Variants in ROBO2 observed in about 807,000 individuals in gnomAD.
The protein encoded by ROBO2 is roundabout homolog 2.
A neutral mutation model predicts 160.8 loss-of-function variants in ROBO2; 53 were observed. That is an observed-to-expected ratio of 0.33 (90% CI 0.26 to 0.41). The LOEUF (loss-of-function observed/expected upper bound fraction) is 0.41. Ranked by LOEUF, ROBO2 falls within the 10% of genes least tolerant of loss-of-function variation. ROBO2 has a pLI of 1.00. For missense variants in ROBO2, 1,577 were observed against 1,722.4 expected, an observed-to-expected ratio of 0.92 and a Z score of 1.49; for synonymous variants, 664 against 611.7, an observed-to-expected ratio of 1.09 and a Z score of -1.26.
intron 2 of ROBO2, among the ~76,000 whole-genome samples, chr3:76,014,961 A>C (rs1024788866): frequency 4.6e-5 from 7 of 152,176 alleles, no homozygotes; most frequent in Admixed American, 1.3e-4. Flanking sequence ...ACATACATAC[A>C]TAAAAAATAA....
intron 1 of ROBO2, among the ~76,000 whole-genome samples, chr3:75,927,495 C>T (rs1416923206): frequency 6.6e-6 from 1 of 152,118 alleles, no homozygotes; most frequent in African/African-American, 2.4e-5. Flanking sequence ...ACTAAGCCAA[C>T]CAATTTTTGG....
chr3:77,487,281 C>A (rs1293534927), intron 4 of ROBO2, among the ~76,000 whole-genome samples: 3 of 152,062 alleles, frequency 2.0e-5, no homozygotes, highest in Non-Finnish European at 2.9e-5. Context: ...ATGTCCCATG[C>A]CCTGTTTAAG....
At chr3:77,357,982 T>C (rs1323535674) in intron 2 of ROBO2, among the ~76,000 whole-genome samples, 2 of 152,180 alleles carry the variant, frequency 1.3e-5, no homozygotes, top group African/African-American at 4.8e-5. Context: ...AAAGAAACAG[T>C]GTCTTCTCAG....
chr3:75,921,006 A>G (rs186404634), intron 1 of ROBO2, among the ~76,000 whole-genome samples: 24 of 152,182 alleles, frequency 1.6e-4, no homozygotes, highest in Middle Eastern at 3.4e-3. Context: ...TATGTCTTTT[A>G]ATTGGGGCAT....
intron 2 of ROBO2, among the ~76,000 whole-genome samples, chr3:76,643,718 T>C (rs1349802625): frequency 6.6e-6 from 1 of 152,176 alleles, no homozygotes. Flanking sequence ...TGGACATTCT[T>C]TAAGCCTTTC....
At chr3:76,271,813 C>T (rs1384794489) in intron 2 of ROBO2, among the ~76,000 whole-genome samples, 2 of 151,888 alleles carry the variant, frequency 1.3e-5, no homozygotes, top group African/African-American at 4.8e-5. Context: ...TGAACTAACT[C>T]ATCTTTGTAT....
chr3:76,712,757 C>G (rs187586819), intron 2 of ROBO2, among the ~76,000 whole-genome samples: 1 of 152,020 alleles, frequency 6.6e-6, no homozygotes, highest in East Asian at 1.9e-4. Context: ...ATAGGAGCAG[C>G]TATAAAATCA....
At chr3:77,591,030 C>T (rs1260866936) in intron 17 of ROBO2, among the ~76,000 whole-genome samples, 1 of 151,926 alleles carries the variant, frequency 6.6e-6, no homozygotes, top group African/African-American at 2.4e-5. Context: ...ATAGATGGCT[C>T]ACTATGAAGA....
At chr3:77,251,276 C>T (rs1011518144) in intron 2 of ROBO2, among the ~76,000 whole-genome samples, 3 of 152,102 alleles carry the variant, frequency 2.0e-5, no homozygotes, top group Admixed American at 6.6e-5. Flanking sequence ...ATGTGGACAT[C>T]GCCAAGGTTT....
exon 5 of ROBO2, chr3:77,493,265 G>T (rs1582434636): frequency 6.2e-7 from 1 of 1,613,536 alleles, no homozygotes; most frequent in East Asian, 2.2e-5. Flanking sequence ...TTTCTCAGGA[G>T]GCCAATTAAC....
rs980613217 is a variant in ROBO2 at position 77,072,581 on chromosome 3, G to C, written c.62-25433G>C. Among the ~76,000 whole-genome samples, 7 of 152,074 alleles carry C rather than the reference G, an allele frequency of 4.6e-5. No homozygotes were observed. In the South Asian group the frequency reaches 6.2e-4, roughly 14 times the overall value. On this transcript the variant is annotated intron_variant, in intron 1 of 25. Transcript: ENST00000461745. Reference sequence around the variant, plus strand: ...TCTGTCAGGACTATGCTTAAAGAAGGCTTTCTCCTAATAATCAAATTAAGT... The same window carrying C: ...TCTGTCAGGACTATGCTTAAAGAAGCCTTTCTCCTAATAATCAAATTAAGT...
chr3:76,907,888 G>A lies in ROBO2; in HGVS notation c.110-190126G>A, dbSNP rs945276395. Among the ~76,000 whole-genome samples, 4 of 150,212 alleles carry A rather than the reference G, an allele frequency of 2.7e-5. No homozygotes were observed. The East Asian group carries it at 8.0e-4, about 30-fold the overall frequency. ...GGAGTCTTGCTCTGTCGCCCAGGCT[G>A]CAGTGCACTGGCACGACCTCAGGTC... On this transcript the variant is annotated intron_variant, in intron 2 of 26. Coordinates refer to the ROBO2 transcript ENST00000487694.
intron 2 of ROBO2, among the ~76,000 whole-genome samples, chr3:76,569,248 G>A (rs2084803038): frequency 6.6e-6 from 1 of 151,992 alleles, no homozygotes; most frequent in African/African-American, 2.4e-5. Context: ...AGTTTTCTGG[G>A]TCTAGAACAA....
chr3:76,640,130 A>G (rs555222147), intron 2 of ROBO2, among the ~76,000 whole-genome samples: 3 of 152,326 alleles, frequency 2.0e-5, no homozygotes, highest in African/African-American at 7.2e-5. Flanking sequence ...TTGCTCAGAG[A>G]TGTCACATAC....
Position 77,477,534 on chromosome 3 carries a change from A to G in ROBO2, c.509A>G (p.Asp170Gly), listed in dbSNP as rs1295649643. 4 of 1,614,144 alleles carry G rather than the reference A, an allele frequency of 2.5e-6. No individual in the cohort carries two copies. In the Admixed American group the frequency reaches 5.0e-5, roughly 20 times the overall value. ...GAACCCACCATCTACTGGAAAAAAG[A>G]CAAAGTTCGAATTGATGACAAGGAA... The change falls in exon 3 of 26, where the codon GAC becomes GGC. Residue 170 changes from aspartate to glycine, a missense_variant. Physicochemically the swap from Asp to Gly is moderately conservative, Grantham distance 94. Coordinates refer to ENST00000461745, the Ensembl canonical transcript of ROBO2.
At chr3:76,278,322 A>G (rs1036211413) in intron 2 of ROBO2, among the ~76,000 whole-genome samples, 5 of 152,016 alleles carry the variant, frequency 3.3e-5, no homozygotes, top group Non-Finnish European at 7.4e-5. Context: ...AACCTTATCA[A>G]TACCTTGAAT....
At chr3:77,272,240 A>T (rs1268517451) in intron 2 of ROBO2, among the ~76,000 whole-genome samples, 1 of 152,212 alleles carries the variant, frequency 6.6e-6, no homozygotes, top group African/African-American at 2.4e-5. Context: ...TCACACTGCT[A>T]TAAAGAAATA....
At chr3:76,077,866 T>C (rs967064627) in intron 2 of ROBO2, among the ~76,000 whole-genome samples, 6 of 147,628 alleles carry the variant, frequency 4.1e-5, no homozygotes, top group African/African-American at 1.1e-4. Flanking sequence ...AGGAGACTGT[T>C]CAAATTCTAA....
intron 2 of ROBO2, among the ~76,000 whole-genome samples, chr3:77,302,608 GC>G (rs1427428344): frequency 2.0e-5 from 3 of 152,052 alleles, no homozygotes; most frequent in African/African-American, 4.8e-5. Context: ...AAGTGATAAT[GC>G]CAAATTTCCA....
Sources: allele counts gnomAD v4.1 joint callset (sites outside exome capture counted in the v4.1 genomes callset), GRCh38; gene constraint gnomAD v4.1.1; transcripts MANE v1.5; gene names NCBI Gene and HGNC (gene_info 2026-07-23, HGNC 2026-07-21).